CNTN4: variants seen among roughly 807,000 people sequenced by gnomAD.
CNTN4 encodes the protein contactin-4.
A neutral mutation model predicts 122.5 loss-of-function variants in CNTN4; 77 were observed. The ratio of observed to expected loss-of-function variants is 0.63; its 90% confidence interval spans 0.52 to 0.76. The LOEUF is 0.76. Ranked by LOEUF, CNTN4 falls within the 30% of genes least tolerant of loss-of-function variation. The pLI is 0.00. For missense variants in CNTN4, 1,256 were observed against 1,259.1 expected, an observed-to-expected ratio of 1.00 and a Z score of 0.04; for synonymous variants, 512 against 447.0, an observed-to-expected ratio of 1.15 and a Z score of -1.83.
intron 4 of CNTN4, among the ~76,000 whole-genome samples, chr3:2,573,719 C>T (rs1230216904): frequency 1.3e-5 from 2 of 152,072 alleles, no homozygotes; most frequent in Non-Finnish European, 2.9e-5. Flanking sequence ...CTATTTTATT[C>T]ACTTAGCTTT....
At chr3:2,229,857 A>G (rs910009926) in intron 2 of CNTN4, among the ~76,000 whole-genome samples, 15 of 152,170 alleles carry the variant, frequency 9.9e-5, no homozygotes, top group Non-Finnish European at 2.1e-4. Flanking sequence ...GAGCTTAACA[A>G]TCAAGTATCT....
intron 8 of CNTN4, among the ~76,000 whole-genome samples, chr3:2,881,614 A>C (rs1370711295): frequency 7.0e-6 from 1 of 143,000 alleles, no homozygotes; most frequent in Non-Finnish European, 1.5e-5. Flanking sequence ...GAGTGAAATC[A>C]TTTCTCTTTG....
chr3:2,150,176 A>G (rs1350583070), intron 2 of CNTN4, among the ~76,000 whole-genome samples: 3 of 152,170 alleles, frequency 2.0e-5, no homozygotes, highest in African/African-American at 7.2e-5. Flanking sequence ...TATGCTCTAG[A>G]GCAAAGTTGC....
At chr3:2,222,178 C>G (rs1212551943) in intron 2 of CNTN4, among the ~76,000 whole-genome samples, 1 of 152,166 alleles carries the variant, frequency 6.6e-6, no homozygotes, top group Non-Finnish European at 1.5e-5. Flanking sequence ...AGTTAGTACA[C>G]GAAATGTGTT....
At chr3:2,781,402 A>G (rs1320626931) in intron 6 of CNTN4, among the ~76,000 whole-genome samples, 1 of 152,160 alleles carries the variant, frequency 6.6e-6, no homozygotes, top group Non-Finnish European at 1.5e-5. Flanking sequence ...TCTAAGCTGT[A>G]TGCTAAGGAT....
chr3:2,636,966 C>T (rs1272210951), intron 4 of CNTN4, among the ~76,000 whole-genome samples: 1 of 106,544 alleles, frequency 9.4e-6, no homozygotes, highest in Non-Finnish European at 1.7e-5. Flanking sequence ...GAGATAGCGT[C>T]TCACTCTGTC....
chr3:2,382,179 T>G (rs1334335875), intron 3 of CNTN4, among the ~76,000 whole-genome samples: 1 of 151,886 alleles, frequency 6.6e-6, no homozygotes, highest in African/African-American at 2.4e-5. Flanking sequence ...TGATTTTTTT[T>G]TTTTTTTTGA....
intron 6 of CNTN4, among the ~76,000 whole-genome samples, chr3:2,811,034 A>G (rs999621685): frequency 1.3e-5 from 2 of 152,122 alleles, no homozygotes; most frequent in Non-Finnish European, 2.9e-5. Context: ...AAAGAAAAAA[A>G]AAAAGATCAG....
chr3:2,780,695 T>G (rs1451866019), intron 6 of CNTN4, among the ~76,000 whole-genome samples: 1 of 152,232 alleles, frequency 6.6e-6, no homozygotes, highest in Non-Finnish European at 1.5e-5. Flanking sequence ...AGTGGGTTTG[T>G]AGTCCTTGCT....
chr3:2,317,866 ACGT>A (rs2043158402), intron 2 of CNTN4, among the ~76,000 whole-genome samples: 1 of 152,168 alleles, frequency 6.6e-6, no homozygotes, highest in Non-Finnish European at 1.5e-5. Context: ...GAGAAGACTA[ACGT>A]CGTTTGAAAG....
rs139095825 is a variant in CNTN4 at position 2,696,851 on chromosome 3, T to TTG, written c.56-39363_56-39362insGT. Among the ~76,000 whole-genome samples the TTG allele has an allele frequency of 2.8e-4, 43 of 152,006 alleles. 4 individuals are homozygous for TTG. Among genetic ancestry groups the TTG allele is most frequent in the Admixed American group, 1.8e-3 (28 of 15,258 alleles). ...TTTCATAAGAGTTGTGTCTCATGAA[T>TTG]TATTTGTATTCCAGAAACCAAACTT... On this transcript the variant is annotated intron_variant, in intron 4 of 24. Transcript: ENST00000418658.
At chr3:2,969,353 G>T (rs1225091679) in intron 13 of CNTN4, among the ~76,000 whole-genome samples, 2 of 152,068 alleles carry the variant, frequency 1.3e-5, no homozygotes, top group African/African-American at 4.8e-5. Context: ...GCTAGGTCAG[G>T]TGTCCACTCC....
chr3:2,350,392 C>T (rs998119224), intron 3 of CNTN4, among the ~76,000 whole-genome samples: 4 of 152,018 alleles, frequency 2.6e-5, no homozygotes, highest in African/African-American at 7.2e-5. Context: ...AGAAAAATAA[C>T]AGGAAAATAA....
At chr3:2,759,565 A>G (rs888682016) in intron 6 of CNTN4, among the ~76,000 whole-genome samples, 1 of 152,144 alleles carries the variant, frequency 6.6e-6, no homozygotes, top group Non-Finnish European at 1.5e-5. Context: ...GCTATTATGA[A>G]TAATGCTGCT....
At chr3:2,796,049 A>G (rs1259078819) in intron 6 of CNTN4, among the ~76,000 whole-genome samples, 6 of 152,142 alleles carry the variant, frequency 3.9e-5, no homozygotes, top group Non-Finnish European at 8.8e-5. Flanking sequence ...ATTCTCACAG[A>G]GAATTGTTGA....
chr3:2,395,214 T>A (rs2150920958), intron 3 of CNTN4, among the ~76,000 whole-genome samples: 1 of 152,246 alleles, frequency 6.6e-6, no homozygotes, highest in East Asian at 1.9e-4. Context: ...AATAGCAACA[T>A]GAATGAATCT....
chr3:2,829,181 G>T (rs962024786), intron 7 of CNTN4, among the ~76,000 whole-genome samples: 1 of 152,100 alleles, frequency 6.6e-6, no homozygotes, highest in African/African-American at 2.4e-5. Flanking sequence ...AATCAGAGGG[G>T]GTTACAGCGC....
intron 13 of CNTN4, among the ~76,000 whole-genome samples, chr3:2,976,274 G>A (rs1035963262): frequency 2.0e-5 from 3 of 152,164 alleles, no homozygotes; most frequent in Non-Finnish European, 1.5e-5. Context: ...CTTTCAAACT[G>A]TTGTTCAGAG....
intron 3 of CNTN4, among the ~76,000 whole-genome samples, chr3:2,481,833 TTCTC>T (rs1229476740): frequency 4.6e-5 from 7 of 152,144 alleles, no homozygotes; most frequent in African/African-American, 1.7e-4. Context: ...CTAGCACTCA[TTCTC>T]TCTCCTGCCG....
Sources: allele counts gnomAD v4.1 joint callset (sites outside exome capture counted in the v4.1 genomes callset), GRCh38; gene constraint gnomAD v4.1.1; transcripts MANE v1.5; gene names NCBI Gene and HGNC (gene_info 2026-07-23, HGNC 2026-07-21).